The following FAM163A variants were observed in gnomAD, a reference collection of about 807,000 sequenced individuals.
The protein encoded by FAM163A is family with sequence similarity 163 member A, also known as protein FAM163A.
Under a neutral mutation model 12.0 loss-of-function variants are expected in FAM163A, and 7 were observed. The ratio of observed to expected loss-of-function variants is 0.58; its 90% CI spans 0.33 to 1.10. The LOEUF (loss-of-function observed/expected upper bound fraction) is 1.10. Ranked by LOEUF, FAM163A falls within the 50% of genes least tolerant of loss-of-function variation. The pLI, the probability that FAM163A is intolerant of heterozygous loss-of-function variation, is 0.03. For synonymous variants in FAM163A, 101 were observed against 91.0 expected, an observed-to-expected ratio of 1.11 and a Z score of -0.62; for missense variants, 202 against 218.6, an observed-to-expected ratio of 0.92 and a Z score of 0.48.
chr1:179,778,102 T>C (rs1689229533), intron 1 of FAM163A, among the ~76,000 whole-genome samples: 1 of 152,204 alleles, frequency 6.6e-6, no homozygotes, highest in Admixed American at 6.5e-5. Flanking sequence ...GGGAACCACC[T>C]GTATTTCTGA....
In FAM163A at chr1:179,771,256, TCCCCTCCGCTGGCAG is replaced by T. The variant is rs143752107; in HGVS notation, c.-136+27838_-136+27852del. 5.4e-3 allele frequency among the ~76,000 whole-genome samples: 823 copies of T among 152,106 alleles called. 8 individuals carry two copies. Among genetic ancestry groups the T allele is most frequent in the African/African-American group, 0.019 (769 of 41,480 alleles). On this transcript the variant is annotated intron_variant, in intron 1 of 4. Coordinates refer to ENST00000341785, the MANE Select transcript of FAM163A (RefSeq NM_173509.3). ...ACAGAGTGCCGGCTCCCCCTGTGCA[TCCCCTCCGCTGGCAG>T]CCCCACCAGCTCTGCACCCACAGAG...
Position 179,804,849 on chromosome 1 carries a change from T to C in FAM163A, c.-135-2949T>C, listed in dbSNP as rs1484464757. 3.9e-5 allele frequency among the ~76,000 whole-genome samples: 6 copies of C among 152,088 alleles called. No individual in the cohort carries two copies. In the East Asian group the frequency reaches 1.2e-3, roughly 29 times the overall value. ...GGAGGGGACAGAAAAAAATAACTAT[T>C]GGGCACTAGGCTTAATACCTGGGTG... On this transcript the variant is annotated intron_variant, in intron 1 of 4. Coordinates refer to ENST00000341785, the MANE Select transcript of FAM163A (RefSeq NM_173509.3).
intron 1 of FAM163A, among the ~76,000 whole-genome samples, chr1:179,770,449 C>G (rs751746471): frequency 2.6e-5 from 4 of 152,156 alleles, no homozygotes; most frequent in Admixed American, 6.5e-5. Context: ...GTACTTAAAA[C>G]AAGAAAGCCT....
In FAM163A at chr1:179,798,144, C is replaced by T. The variant is rs553067097; in HGVS notation, c.-135-9654C>T. On this transcript the variant is annotated intron_variant, in intron 1 of 4. Coordinates refer to ENST00000341785, the MANE Select transcript of FAM163A (RefSeq NM_173509.3). ...ACTCGGGTGGCTGATACACAAGAAA[C>T]GCTTGAGCCTGGGAAGTGGAGGTTG... Among the ~76,000 whole-genome samples the T allele has an allele frequency of 1.2e-4, 19 of 152,114 alleles. 1 individual carries two copies. Among genetic ancestry groups the T allele is most frequent in the Admixed American group, 8.5e-4 (13 of 15,282 alleles).
intron 1 of FAM163A, among the ~76,000 whole-genome samples, chr1:179,771,648 T>G (rs1688306782): frequency 6.6e-6 from 1 of 152,130 alleles, no homozygotes; most frequent in Non-Finnish European, 1.5e-5. Context: ...ATGAGCCTCA[T>G]AGCTCACATC....
chr1:179,810,210 C>T (rs1436666966), intron 2 of FAM163A, among the ~76,000 whole-genome samples: 1 of 152,162 alleles, frequency 6.6e-6, no homozygotes. Context: ...TGACTCTCAT[C>T]CCACCAAGCG....
intron 1 of FAM163A, among the ~76,000 whole-genome samples, chr1:179,789,023 G>A (rs1339333623): frequency 2.0e-5 from 3 of 152,220 alleles, no homozygotes; most frequent in African/African-American, 7.2e-5. Flanking sequence ...CTGACATGGA[G>A]CAGGCCTCCC....
At chr1:179,764,317 C>T (rs1460150497) in intron 1 of FAM163A, among the ~76,000 whole-genome samples, 2 of 152,018 alleles carry the variant, frequency 1.3e-5, no homozygotes, top group African/African-American at 2.4e-5. Context: ...GGGGCGGGAA[C>T]GACGAGGCAG....
At chr1:179,790,744 C>A (rs981564937) in intron 1 of FAM163A, among the ~76,000 whole-genome samples, 1 of 151,374 alleles carries the variant, frequency 6.6e-6, no homozygotes, top group African/African-American at 2.4e-5. Flanking sequence ...ACAAAAGGTC[C>A]ACTGTCAAGG....
chr1:179,762,358 T>C (rs1471601122), intron 1 of FAM163A, among the ~76,000 whole-genome samples: 1 of 152,162 alleles, frequency 6.6e-6, no homozygotes, highest in Non-Finnish European at 1.5e-5. Flanking sequence ...GGGATCATGC[T>C]GGGTATGTGG....
chr1:179,738,743 G>C (rs898552545), upstream of FAM163A, among the ~76,000 whole-genome samples: 2 of 152,114 alleles, frequency 1.3e-5, no homozygotes, highest in East Asian at 3.8e-4. Context: ...AATCATGAAA[G>C]ACTGAATGCT....
intron 1 of FAM163A, among the ~76,000 whole-genome samples, chr1:179,747,393 G>C (rs1268765613): frequency 2.0e-5 from 3 of 152,194 alleles, no homozygotes; most frequent in Non-Finnish European, 2.9e-5. Flanking sequence ...CAAAGGGGAT[G>C]GGGGAGATAT....
chr1:179,799,644 A>C (rs1007302451), intron 1 of FAM163A, among the ~76,000 whole-genome samples: 1 of 152,244 alleles, frequency 6.6e-6, no homozygotes, highest in African/African-American at 2.4e-5. Context: ...AGCATAGGAA[A>C]ACTCTCTAAA....
rs115357978 is a variant in FAM163A, at chr1:179,747,193, A to G, written c.-136+3770A>G. Among the ~76,000 whole-genome samples the G allele has an allele frequency of 4.3e-3, 652 of 151,434 alleles. 2 individuals are homozygous for G. Among genetic ancestry groups the G allele is most frequent in the African/African-American group, 0.015 (622 of 41,138 alleles). ...AAAAAAAAAAAAAAGGTTTGACATTATCCTAGAGTCTAGGGCTGTATTGCC... is the reference window on the plus strand; with the variant it reads ...AAAAAAAAAAAAAAGGTTTGACATTGTCCTAGAGTCTAGGGCTGTATTGCC... On this transcript the variant is annotated intron_variant, in intron 1 of 4. Transcript: ENST00000341785.
intron 1 of FAM163A, among the ~76,000 whole-genome samples, chr1:179,797,452 C>CA (rs535902018): frequency 1.3e-5 from 2 of 151,080 alleles, no homozygotes. Flanking sequence ...AACTCTGTCT[C>CA]AAAAAAAAGG....
chr1:179,805,859 A>T (rs1557972503), intron 1 of FAM163A, among the ~76,000 whole-genome samples: 1 of 151,984 alleles, frequency 6.6e-6, no homozygotes, highest in African/African-American at 2.4e-5. Flanking sequence ...GCTGGGCTGG[A>T]CCCCTCTCTT....
intron 1 of FAM163A, among the ~76,000 whole-genome samples, chr1:179,802,339 C>A (rs1020256055): frequency 3.9e-5 from 6 of 152,110 alleles, no homozygotes; most frequent in African/African-American, 1.4e-4. Flanking sequence ...TGTTTTGTTT[C>A]GCTGTTTCTC....
chr1:179,764,206 A>T (rs1428975267), intron 1 of FAM163A, among the ~76,000 whole-genome samples: 1 of 152,234 alleles, frequency 6.6e-6, no homozygotes, highest in African/African-American at 2.4e-5. Flanking sequence ...CAAGGGAAAC[A>T]CTAGCCAGTA....
At chr1:179,764,741 T>A (rs1687260205) in intron 1 of FAM163A, among the ~76,000 whole-genome samples, 1 of 152,200 alleles carries the variant, frequency 6.6e-6, no homozygotes, top group Admixed American at 6.5e-5. Context: ...GCATGGGCTC[T>A]GGGCACATGC....
Sources: gnomAD v4.1 joint callset for allele counts (sites outside exome capture counted in the v4.1 genomes callset) on GRCh38, gnomAD v4.1.1 for gene constraint, MANE v1.5 for transcripts, NCBI Gene and HGNC (gene_info 2026-07-23, HGNC 2026-07-21) for gene names.